Variants in NAV3 observed in about 807,000 individuals in gnomAD.
NAV3 encodes the protein neuron navigator 3, also known as pore membrane and/or filament interacting like protein 1.
In NAV3, 87 loss-of-function variants were observed where a neutral mutation model predicts 244.7. The observed-to-expected ratio is 0.36, with a 90% CI of 0.30 to 0.42. NAV3 has a LOEUF of 0.42. Ranked by LOEUF, NAV3 falls within the 20% of genes least tolerant of loss-of-function variation. The pLI, the probability that NAV3 is intolerant of heterozygous loss-of-function variation, is 1.00. For synonymous variants in NAV3, 1,126 were observed against 1,042.2 expected, an observed-to-expected ratio of 1.08 and a Z score of -1.55; for missense variants, 2,663 against 2,893.3, an observed-to-expected ratio of 0.92 and a Z score of 1.83.
chr12:78,205,053 A>G lies in NAV3; in HGVS notation c.6953A>G (p.Asp2318Gly), dbSNP rs1960145171. ...GCCTTACTTCAGCTGCGACCAGAAG[A>G]TGTTGGGTATGAAAGCTGCACATCC... ...SPALLQLRPE[D>G]VGYESCTSTK... Residue 2318 changes from aspartate (D) to glycine (G), a missense_variant, in exon 39 of 40, where the codon GAT (aspartate) becomes GGT (glycine). By Grantham distance (94) the Asp-to-Gly change is moderately conservative (BLOSUM62 -1). Transcript: ENST00000397909. 1 of 1,613,586 alleles carries G rather than the reference A, an allele frequency of 6.2e-7. No individual in the cohort carries two copies. The highest frequency in any genetic ancestry group is 1.7e-5 in the Admixed American group (1 of 59,886).
Position 78,200,610 on chromosome 12 carries a change from A to C in NAV3, c.6834+19A>C. 7.6e-7 allele frequency: 1 copy of C among 1,310,524 alleles called. No individual in the cohort carries two copies. Among genetic ancestry groups the C allele is most frequent in the Non-Finnish European group, 1.0e-6 (1 of 962,038 alleles). 81.2% of individuals were successfully genotyped at this position (1,310,524 alleles called of 1,614,324 possible). A position where few individuals can be genotyped will look rare whatever the true frequency, so the allele number is the denominator to read the frequency against. ...TCTTCAGGTATAGTACTCAATTTTC[A>C]TTGCTATTTTTTTTTAAAAAAAAAA... On this transcript the variant is annotated intron_variant, in intron 38 of 39. Transcript: ENST00000397909.
intron 2 of NAV3, among the ~76,000 whole-genome samples, chr12:77,708,798 A>G (rs1345134705): frequency 6.6e-6 from 1 of 152,102 alleles, no homozygotes; most frequent in African/African-American, 2.4e-5. Flanking sequence ...TTGGATTCTT[A>G]GGTATTTTAT....
chr12:77,607,271 C>T (rs779473519), intron 2 of NAV3, among the ~76,000 whole-genome samples: 4 of 152,144 alleles, frequency 2.6e-5, no homozygotes, highest in South Asian at 2.1e-4. Context: ...GTTTTATCTA[C>T]GCTATAATTT....
At chr12:78,169,905 T>C (rs1416441175) in intron 24 of NAV3, among the ~76,000 whole-genome samples, 2 of 151,882 alleles carry the variant, frequency 1.3e-5, no homozygotes, top group Admixed American at 1.3e-4. Flanking sequence ...TCTTGGTTTT[T>C]CTTCTGTTCC....
intron 11 of NAV3, chr12:78,056,370 G>A (rs1883509189): frequency 6.6e-6 from 1 of 152,298 alleles, no homozygotes; most frequent in Non-Finnish European, 1.5e-5. Flanking sequence ...GAGAAGACAA[G>A]AGGGCTGGAG....
intron 5 of NAV3, among the ~76,000 whole-genome samples, chr12:77,985,125 T>C (rs1016950287): frequency 2.6e-5 from 4 of 152,136 alleles, no homozygotes; most frequent in African/African-American, 9.7e-5. Context: ...CTATACTTTT[T>C]ATGAAGAATA....
chr12:78,200,624 T>TA lies in NAV3; in HGVS notation c.6834+33_6834+34insA, dbSNP rs201900606. 9,284 of 1,164,858 alleles carry TA rather than the reference T, an allele frequency of 8.0e-3. 2 individuals are homozygous for TA. Among genetic ancestry groups the TA allele is most frequent in the East Asian group, 0.022 (714 of 31,780 alleles). The allele number at this position is 1,164,858 out of a possible 1,614,324, so 72.2% of individuals were successfully genotyped here. A position where few individuals can be genotyped will look rare whatever the true frequency, so the allele number is the denominator to read the frequency against. ...ACTCAATTTTCATTGCTATTTTTTT[T>TA]TAAAAAAAAAAAGCAAAAAAAATTA... On this transcript the variant is annotated intron_variant, in intron 38 of 39. Coordinates refer to ENST00000397909, the MANE Select transcript of NAV3 (RefSeq NM_001024383.2).
chr12:78,101,918 A>G (rs747282056), intron 12 of NAV3, among the ~76,000 whole-genome samples: 26 of 152,154 alleles, frequency 1.7e-4, no homozygotes, highest in Non-Finnish European at 2.6e-4. Context: ...AATATTTTAT[A>G]TAATATTTAA....
chr12:77,940,121 C>A (rs1434488299), intron 1 of NAV3, 198 bp from the exon 2 acceptor site: 1 of 514,128 alleles, frequency 1.9e-6, no homozygotes, highest in Non-Finnish European at 3.5e-6. Context: ...AGTGAATCAT[C>A]CCCTTTGAAA....
intron 8 of NAV3, among the ~76,000 whole-genome samples, chr12:78,010,131 T>C (rs879599219): frequency 3.0e-4 from 46 of 152,174 alleles, no homozygotes; most frequent in Non-Finnish European, 5.7e-4. Flanking sequence ...TCAAAGTTTT[T>C]AAATCAATGC....
intron 12 of NAV3, among the ~76,000 whole-genome samples, chr12:78,081,234 A>T (rs1953333918): frequency 6.6e-6 from 1 of 152,192 alleles, no homozygotes; most frequent in Non-Finnish European, 1.5e-5. Flanking sequence ...TATTTTGACT[A>T]CCAGGAATGT....
intron 8 of NAV3, among the ~76,000 whole-genome samples, chr12:78,011,762 T>A (rs1484872646): frequency 6.6e-6 from 1 of 152,192 alleles, no homozygotes; most frequent in Non-Finnish European, 1.5e-5. Context: ...AAGAAATTCC[T>A]GAGACTGGAT....
chr12:78,023,188 G>T lies in NAV3; in HGVS notation c.2023+1326G>T, dbSNP rs1877452611. On this transcript the variant is annotated intron_variant, in intron 9 of 39. Coordinates refer to ENST00000397909, the MANE Select transcript of NAV3 (RefSeq NM_001024383.2). ...TAGAGCTCAAATCTTTAGGATAAAT[G>T]AATTTAGTAGAGTTTGAATTGCAAT... Among the ~76,000 whole-genome samples the T allele has an allele frequency of 2.0e-5, 3 of 152,134 alleles. No individual in the cohort carries two copies. The South Asian group carries it at 6.2e-4, about 32-fold the overall frequency.
At chr12:78,080,536 A>G (rs975559718) in intron 12 of NAV3, among the ~76,000 whole-genome samples, 18 of 152,240 alleles carry the variant, frequency 1.2e-4, no homozygotes, top group African/African-American at 4.1e-4. Flanking sequence ...TTGTAATGAC[A>G]GAAACTCATT....
chr12:77,779,811 G>T (rs944894792), intron 2 of NAV3, among the ~76,000 whole-genome samples: 5 of 152,078 alleles, frequency 3.3e-5, no homozygotes, highest in African/African-American at 1.2e-4. Context: ...GAGAGGCCTG[G>T]GTTGTCAGTG....
intron 5 of NAV3, among the ~76,000 whole-genome samples, chr12:77,976,011 G>C (rs891304122): frequency 2.0e-5 from 3 of 152,174 alleles, no homozygotes; most frequent in African/African-American, 7.2e-5. Context: ...GACTTGTAAT[G>C]AAATTGGTAA....
Position 78,021,902 on chromosome 12 carries a change from T to C in NAV3, c.2023+40T>C, listed in dbSNP as rs376440489. The C allele has an allele frequency of 6.2e-6, 8 of 1,289,360 alleles. No homozygotes were observed. The African/African-American group carries it at 1.0e-4, about 17-fold the overall frequency. The allele number at this position is 1,289,360 out of a possible 1,614,324, so 79.9% of individuals were successfully genotyped here. ...CGATGCATAGGTCAAACCTAGGAAT[T>C]TCCGTATTCTCTCCATAAGACTTTT... On this transcript the variant is annotated intron_variant, in intron 9 of 39. Coordinates refer to ENST00000397909, the MANE Select transcript of NAV3 (RefSeq NM_001024383.2).
At chr12:77,745,988 TAAAAA>T (rs35139297) in intron 2 of NAV3, among the ~76,000 whole-genome samples, 23 of 107,570 alleles carry the variant, frequency 2.1e-4, no homozygotes, top group African/African-American at 8.7e-4. Flanking sequence ...AGACTTAAGG[TAAAAA>T]AAAAAAAAAA....
chr12:77,909,977 C>T (rs1886407309), intron 1 of NAV3, among the ~76,000 whole-genome samples: 1 of 151,994 alleles, frequency 6.6e-6, no homozygotes, highest in African/African-American at 2.4e-5. Flanking sequence ...TTTGAGACAT[C>T]TTTACAATGT....
Sources: allele counts gnomAD v4.1 joint callset (sites outside exome capture counted in the v4.1 genomes callset), GRCh38; gene constraint gnomAD v4.1.1; transcripts MANE v1.5; gene names NCBI Gene and HGNC (gene_info 2026-07-23, HGNC 2026-07-21).